The following LACTB variants were observed in gnomAD, a reference collection of about 807,000 sequenced individuals.
LACTB encodes serine beta-lactamase-like protein LACTB, mitochondrial.
Under a neutral mutation model 50.2 loss-of-function variants are expected in LACTB, and 35 were observed. That is an observed-to-expected ratio of 0.70 (90% confidence interval 0.53 to 0.92). The LOEUF (loss-of-function observed/expected upper bound fraction) is 0.92. Among genes scored for constraint, LACTB ranks in the 40% least tolerant of loss-of-function variants. The pLI, the probability that LACTB is intolerant of heterozygous loss-of-function variation, is 0.00. For synonymous variants in LACTB, 252 were observed against 268.2 expected, an observed-to-expected ratio of 0.94 and a Z score of 0.59; for missense variants, 664 against 691.8, an observed-to-expected ratio of 0.96 and a Z score of 0.45.
intron 5 of LACTB, 193 bp downstream of exon 5, chr15:63,129,843 A>C: frequency 1.6e-6 from 1 of 606,806 alleles, no homozygotes; most frequent in Non-Finnish European, 2.4e-6. Context: ...AGACCCTTTG[A>C]TGAAAGATAG....
At chr15:63,127,120 GT>G in intron 3 of LACTB, 71 bp downstream of exon 3, 2 of 1,187,424 alleles carry the variant, frequency 1.7e-6, no homozygotes, top group East Asian at 5.1e-5. Context: ...TATTTAAAAT[GT>G]TTCATAGGAT....
At chr15:63,123,622 A>G (rs971340192) in intron 2 of LACTB, among the ~76,000 whole-genome samples, 3 of 152,154 alleles carry the variant, frequency 2.0e-5, no homozygotes, top group Non-Finnish European at 2.9e-5. Flanking sequence ...TACAAAGCAA[A>G]AGGGGCAGGG....
rs200705826 is a variant in LACTB, at chr15:63,129,686, G to A, written c.1118+36G>A. 1.3e-4 allele frequency: 182 copies of A among 1,424,554 alleles called. No homozygotes were observed. In the African/African-American group the frequency reaches 1.9e-3, roughly 15 times the overall value. The allele number at this position is 1,424,554 out of a possible 1,614,324, so 88.2% of individuals were successfully genotyped here. A position where few individuals can be genotyped will look rare whatever the true frequency, so the allele number is the denominator to read the frequency against. ...ACCTTCTGCTGTGTCTAGCTATATC[G>A]CATCTTAACACTATTTTATTAATTA... On this transcript the variant is annotated intron_variant, in intron 5 of 5. Coordinates refer to ENST00000261893, the MANE Select transcript of LACTB (RefSeq NM_032857.5).
At position 63,141,428 on chromosome 15, in the gene LACTB, T is replaced by C. The variant is rs1372171353; in HGVS notation, c.1267T>C (p.Phe423Leu). Residue 423 changes from phenylalanine (F) to leucine (L), a missense_variant, in exon 6 of 6, where the codon TTT becomes CTT. Physicochemically the swap from Phe to Leu is conservative, Grantham distance 22. Coordinates refer to ENST00000261893, the MANE Select transcript of LACTB (RefSeq NM_032857.5). Reference protein sequence around the residue: ...AMLYGYQVGLFKNSNENLLPG... With the variant: ...AMLYGYQVGLLKNSNENLLPG... ...GCTTTATGGTTACCAAGTTGGGCTG[T>C]TTAAGAACTCAAATGAAAATCTTTT... 6.2e-7 allele frequency: 1 copy of C among 1,614,224 alleles called. No individual in the cohort carries two copies. Among genetic ancestry groups the C allele is most frequent in the Admixed American group, 1.7e-5 (1 of 60,024 alleles).
chr15:63,128,212 T>C (rs759141333), intron 4 of LACTB, among the ~76,000 whole-genome samples: 15 of 152,214 alleles, frequency 9.9e-5, no homozygotes, highest in Non-Finnish European at 1.8e-4. Flanking sequence ...TTATATTCAT[T>C]TTTCATTTTA....
chr15:63,136,299 AGTGTT>A (rs1394170478), intron 5 of LACTB, among the ~76,000 whole-genome samples: 1 of 152,018 alleles, frequency 6.6e-6, no homozygotes, highest in Non-Finnish European at 1.5e-5. Flanking sequence ...AGCCTCCCAA[AGTGTT>A]GGGATTACAG....
At chr15:63,122,553 C>T in intron 1 of LACTB, 83 bp from the exon 2 acceptor site, 1 of 1,092,122 alleles carries the variant, frequency 9.2e-7, no homozygotes, top group South Asian at 1.2e-5. Context: ...GCTCAGGGGG[C>T]GGGGCCTTGG....
At chr15:63,140,389 A>G (rs1347250589) in intron 5 of LACTB, among the ~76,000 whole-genome samples, 1 of 152,192 alleles carries the variant, frequency 6.6e-6, no homozygotes, top group African/African-American at 2.4e-5. Context: ...AATGGAGAGA[A>G]ACATGACAGA....
intron 5 of LACTB, among the ~76,000 whole-genome samples, chr15:63,135,716 T>C (rs2037169778): frequency 6.6e-6 from 1 of 152,174 alleles, no homozygotes; most frequent in Middle Eastern, 3.2e-3. Flanking sequence ...AGACCCTGTC[T>C]CAAAAACAAA....
rs1468824714 is a variant in LACTB, at chr15:63,121,915, C to A, written c.44C>A (p.Pro15His). 7.0e-7 allele frequency: 1 copy of A among 1,422,874 alleles called. No individual in the cohort carries two copies. Among genetic ancestry groups the A allele is most frequent in the South Asian group, 1.5e-5 (1 of 65,048 alleles). 88.1% of individuals were successfully genotyped at this position (1,422,874 alleles called of 1,614,324 possible). The part of the protein sequence containing the change: ...MSAVTARAAA[P>H]GGLASSCGRR... ...GCAGTGACTGCCCGGGCTGCCGCCC[C>A]CGGGGGCTTGGCCTCAAGCTGCGGA... The change falls in exon 1 of 6, where the codon CCC (proline) becomes CAC (histidine). Residue 15 changes from proline to histidine, a missense_variant. Physicochemically the swap from Pro to His is moderately conservative, Grantham distance 77 (BLOSUM62 -2). Transcript: ENST00000261893.
intron 3 of LACTB, 23 bp from the exon 4 acceptor site, chr15:63,127,330 A>T: frequency 6.7e-7 from 1 of 1,484,276 alleles, no homozygotes; most frequent in Non-Finnish European, 9.1e-7. Flanking sequence ...ATTGTAATTG[A>T]ATTTTCATGT....
At chr15:63,135,765 G>T (rs949514871) in intron 5 of LACTB, among the ~76,000 whole-genome samples, 1 of 152,100 alleles carries the variant, frequency 6.6e-6, no homozygotes, top group South Asian at 2.1e-4. Context: ...TCTAAAAAAA[G>T]ATTCTCTAGT....
chr15:63,124,318 A>G (rs2037019908), intron 2 of LACTB, among the ~76,000 whole-genome samples: 1 of 152,240 alleles, frequency 6.6e-6, no homozygotes, highest in South Asian at 2.1e-4. Context: ...AATGATATAT[A>G]TAATCATATC....
intron 4 of LACTB, among the ~76,000 whole-genome samples, chr15:63,129,051 T>C (rs1271949567): frequency 6.6e-6 from 1 of 152,206 alleles, no homozygotes; most frequent in Non-Finnish European, 1.5e-5. Flanking sequence ...CCATATATTT[T>C]ATTAAAATAA....
At chr15:63,124,671 G>T (rs2037024495) in intron 2 of LACTB, among the ~76,000 whole-genome samples, 1 of 152,078 alleles carries the variant, frequency 6.6e-6, no homozygotes, top group Admixed American at 6.5e-5. Context: ...TGATGTTTCA[G>T]GCCAGGTGCA....
chr15:63,140,916 C>T, intron 5 of LACTB: 5 of 695,496 alleles, frequency 7.2e-6, no homozygotes, highest in Non-Finnish European at 8.8e-6. Context: ...ACCCCAAGGA[C>T]AAGGAATATC....
intron 5 of LACTB, among the ~76,000 whole-genome samples, chr15:63,132,799 C>T (rs1298159690): frequency 6.6e-6 from 1 of 152,008 alleles, no homozygotes; most frequent in Non-Finnish European, 1.5e-5. Context: ...CCAGCCTGGG[C>T]AAGAGAGCGA....
rs11413822 is a variant in LACTB, at chr15:63,139,043, CAAAAAAAA to C, written c.1119-2223_1119-2216del. Reference sequence around the variant, plus strand: ...TAGGTGAAAGAGCAAGACTCTGTTTCAAAAAAAAAAAAAAAAAAAAATCGGCCAGGAAC... The same window carrying C: ...TAGGTGAAAGAGCAAGACTCTGTTTCAAAAAAAAAAAAATCGGCCAGGAAC... On this transcript the variant is annotated intron_variant, in intron 5 of 5. Coordinates refer to ENST00000261893, the MANE Select transcript of LACTB (RefSeq NM_032857.5). Among the ~76,000 whole-genome samples, 607 of 71,344 alleles carry C rather than the reference CAAAAAAAA, an allele frequency of 8.5e-3. 4 individuals carry two copies. The highest frequency in any genetic ancestry group is 0.014 in the African/African-American group (292 of 20,960). The allele number at this position is 71,344 out of a possible 152,430, so 46.8% of individuals were successfully genotyped here. A position where few individuals can be genotyped will look rare whatever the true frequency, so the allele number is the denominator to read the frequency against.
Position 63,129,669 on chromosome 15 carries a change from C to T in LACTB, c.1118+19C>T. The T allele has an allele frequency of 1.9e-6, 3 of 1,554,120 alleles. No homozygotes were observed. Among genetic ancestry groups the T allele is most frequent in the Non-Finnish European group, 1.7e-6 (2 of 1,149,952 alleles). On this transcript the variant is annotated intron_variant, in intron 5 of 5. Coordinates refer to ENST00000261893, the MANE Select transcript of LACTB (RefSeq NM_032857.5). ...GAGCAAGGTAAATGAATACCTTCTG[C>T]TGTGTCTAGCTATATCGCATCTTAA...
Sources: gnomAD v4.1 joint callset for allele counts (sites outside exome capture counted in the v4.1 genomes callset) on GRCh38, gnomAD v4.1.1 for gene constraint, MANE v1.5 for transcripts, NCBI Gene and HGNC (gene_info 2026-07-23, HGNC 2026-07-21) for gene names.